Variants in TBC1D32 observed in about 807,000 individuals in gnomAD.
TBC1D32 encodes the protein TBC1 domain family member 32.
TBC1D32 carries 151 observed loss-of-function variants against 170.3 expected under a neutral mutation model. That is an observed-to-expected ratio of 0.89 (90% CI 0.78 to 1.01). The LOEUF (loss-of-function observed/expected upper bound fraction) is 1.01, where lower values mean the gene tolerates loss of function less well. Among genes scored for constraint, TBC1D32 ranks in the 50% least tolerant of loss-of-function variants. The pLI is 0.00. For synonymous variants in TBC1D32, 498 were observed against 488.0 expected, an observed-to-expected ratio of 1.02 and a Z score of -0.27; for missense variants, 1,464 against 1,457.1, an observed-to-expected ratio of 1.00 and a Z score of -0.08.
chr6:121,162,920 G>A (rs1294776803), intron 22 of TBC1D32: 3 of 115,892 alleles, frequency 2.6e-5, no homozygotes, highest in Non-Finnish European at 5.6e-5. Flanking sequence ...GGAAGCGCAA[G>A]GGGTCAGGGA....
chr6:121,283,748 C>T lies in TBC1D32; in HGVS notation c.1465+70G>A, dbSNP rs1033671762. On this transcript the variant is annotated intron_variant, in intron 13 of 31. Transcript: ENST00000398212. ...AAAGTAGGTCAGGCACTCAAAACATCTAGACAATAGAATACTTAAATATTT... is the reference window on the plus strand; with the variant it reads ...AAAGTAGGTCAGGCACTCAAAACATTTAGACAATAGAATACTTAAATATTT... 11 of 1,222,258 alleles carry T rather than the reference C, an allele frequency of 9.0e-6. No homozygotes were observed. In the African/African-American group the frequency reaches 1.5e-4, roughly 17 times the overall value. The allele number at this position is 1,222,258 out of a possible 1,614,324, so 75.7% of individuals were successfully genotyped here. A position where few individuals can be genotyped will look rare whatever the true frequency, so the allele number is the denominator to read the frequency against.
At chr6:121,285,083 G>A (rs1489773969) in intron 12 of TBC1D32, among the ~76,000 whole-genome samples, 1 of 152,154 alleles carries the variant, frequency 6.6e-6, no homozygotes, top group African/African-American at 2.4e-5. Flanking sequence ...AACGGGGTCA[G>A]CAAACTATAG....
Position 121,317,544 on chromosome 6 carries a change from T to C in TBC1D32, c.446A>G (p.His149Arg), listed in dbSNP as rs1488352407. 2.5e-6 allele frequency: 4 copies of C among 1,612,812 alleles called. No homozygotes were observed. Among genetic ancestry groups the C allele is most frequent in the East Asian group, 2.2e-5 (1 of 44,742 alleles). The part of the protein sequence containing the change: ...RQKKIQKEKS[H>R]SYRTDNCSDS... ...AGAGCAATTGTCTGTGCGGTAACTA[T>C]GGCTTTTCTCCTTTTGGATTTTTTT... The change falls in exon 3 of 32, where the codon CAT (histidine) becomes CGT (arginine). Residue 149 changes from histidine (H) to arginine (R), a missense_variant. By Grantham distance (29) the His-to-Arg change is conservative. Transcript: ENST00000398212.
In TBC1D32 at chr6:121,301,071, AAC is replaced by A. The variant is rs553642841; in HGVS notation, c.1081-1568_1081-1567del. ...GCTGGAGAGGATGTGGAGAAATGGG[AAC>A]ACTTTTACACTTTTGGTGGGAGTGT... On this transcript the variant is annotated intron_variant, in intron 9 of 31. Coordinates refer to ENST00000398212, the MANE Select transcript of TBC1D32 (RefSeq NM_152730.6). Among the ~76,000 whole-genome samples the A allele has an allele frequency of 2.1e-3, 316 of 152,314 alleles. 1 individual carries two copies. The highest frequency in any genetic ancestry group is 7.3e-3 in the African/African-American group (304 of 41,566).
chr6:121,235,964 G>A (rs1691321605), intron 20 of TBC1D32, among the ~76,000 whole-genome samples: 2 of 152,058 alleles, frequency 1.3e-5, no homozygotes, highest in African/African-American at 4.8e-5. Flanking sequence ...CTGAAAATCT[G>A]TATTTTAATT....
At chr6:121,208,267 T>TA (rs946157319) in intron 21 of TBC1D32, among the ~76,000 whole-genome samples, 131 of 150,992 alleles carry the variant, frequency 8.7e-4, no homozygotes, top group East Asian at 3.1e-3. Context: ...GTAATTTATT[T>TA]AAAAAAAAAG....
intron 17 of TBC1D32, among the ~76,000 whole-genome samples, chr6:121,246,753 A>C (rs1264631500): frequency 5.3e-5 from 8 of 151,744 alleles, no homozygotes; most frequent in Admixed American, 1.3e-4. Context: ...GAAAGTTTCA[A>C]CAACAGACTA....
At chr6:121,112,463 T>C in intron 29 of TBC1D32, 42 bp downstream of exon 29, 1 of 1,540,880 alleles carries the variant, frequency 6.5e-7, no homozygotes, top group Non-Finnish European at 8.7e-7. Flanking sequence ...ATAATGTTCT[T>C]AAAATTTCAA....
intron 17 of TBC1D32, among the ~76,000 whole-genome samples, chr6:121,254,036 C>T (rs1235202306): frequency 6.6e-6 from 1 of 151,850 alleles, no homozygotes; most frequent in Non-Finnish European, 1.5e-5. Flanking sequence ...TACATATATG[C>T]CATGGAATAC....
chr6:121,178,126 AACTC>A (rs1489262459), intron 22 of TBC1D32, among the ~76,000 whole-genome samples: 1 of 152,172 alleles, frequency 6.6e-6, no homozygotes, highest in Non-Finnish European at 1.5e-5. Flanking sequence ...ATCTCATAAG[AACTC>A]ACTATCTTGA....
chr6:121,251,828 G>T (rs2128385966), intron 17 of TBC1D32, among the ~76,000 whole-genome samples: 1 of 152,216 alleles, frequency 6.6e-6, no homozygotes, highest in East Asian at 1.9e-4. Flanking sequence ...CTAATATCCA[G>T]AATCTATAAG....
chr6:121,174,415 T>C lies in TBC1D32; in HGVS notation c.2571-13359A>G, dbSNP rs190607782. ...CTGTACAATATGTCCCAGAGTAAACTGAATCAAAAGAGTCAGCACGGAGAC... is the reference window on the plus strand; with the variant it reads ...CTGTACAATATGTCCCAGAGTAAACCGAATCAAAAGAGTCAGCACGGAGAC... On this transcript the variant is annotated intron_variant, in intron 22 of 31. Coordinates refer to ENST00000398212, the MANE Select transcript of TBC1D32 (RefSeq NM_152730.6). Among the ~76,000 whole-genome samples the C allele has an allele frequency of 3.1e-3, 470 of 152,158 alleles. 1 individual carries two copies. Among genetic ancestry groups the C allele is most frequent in the African/African-American group, 0.011 (441 of 41,536 alleles).
At chr6:121,288,018 T>C (rs1333960331) in intron 12 of TBC1D32, among the ~76,000 whole-genome samples, 9 of 152,118 alleles carry the variant, frequency 5.9e-5, no homozygotes, top group Admixed American at 3.9e-4. Flanking sequence ...TAGAGGGAAA[T>C]TTATAGCTCT....
chr6:121,207,610 T>C (rs1312814591), intron 21 of TBC1D32, among the ~76,000 whole-genome samples: 1 of 152,142 alleles, frequency 6.6e-6, no homozygotes, highest in Non-Finnish European at 1.5e-5. Flanking sequence ...ATAACATGTG[T>C]CAATAAGGGA....
intron 21 of TBC1D32, among the ~76,000 whole-genome samples, chr6:121,215,757 T>C (rs1311914383): frequency 6.6e-6 from 1 of 151,716 alleles, no homozygotes; most frequent in Non-Finnish European, 1.5e-5. Flanking sequence ...AAAAGCACAA[T>C]ATTACTGATC....
chr6:121,196,929 T>C (rs1303491380), intron 22 of TBC1D32, among the ~76,000 whole-genome samples: 1 of 152,136 alleles, frequency 6.6e-6, no homozygotes, highest in Non-Finnish European at 1.5e-5. Context: ...ATTAGCAAAA[T>C]GTTTGCCTCC....
At chr6:121,264,750 G>A (rs147623956) in intron 15 of TBC1D32, among the ~76,000 whole-genome samples, 3,656 of 152,214 alleles carry the variant, frequency 0.024, 162 homozygotes, top group East Asian at 0.12. Context: ...GGGATGCAAG[G>A]CTGGTTCAAC....
At chr6:121,151,364 G>C (rs1443466864) in intron 24 of TBC1D32, among the ~76,000 whole-genome samples, 4 of 152,208 alleles carry the variant, frequency 2.6e-5, no homozygotes, top group Non-Finnish European at 4.4e-5. Context: ...TGGTCTGAGA[G>C]ACTGTTTATT....
chr6:121,100,684 A>T (rs1238179864), intron 30 of TBC1D32, among the ~76,000 whole-genome samples: 1 of 152,110 alleles, frequency 6.6e-6, no homozygotes, highest in African/African-American at 2.4e-5. Flanking sequence ...GAACTAGAGA[A>T]GCAAGAGCAA....
Sources: allele counts gnomAD v4.1 joint callset (sites outside exome capture counted in the v4.1 genomes callset), GRCh38; gene constraint gnomAD v4.1.1; transcripts MANE v1.5; gene names NCBI Gene and HGNC (gene_info 2026-07-23, HGNC 2026-07-21).